LINGO2: variants seen among roughly 807,000 people sequenced by gnomAD.
LINGO2 encodes leucine rich repeat and Ig domain containing 2.
Under a neutral mutation model 30.6 loss-of-function variants are expected in LINGO2, and 14 were observed. The observed-to-expected ratio is 0.46, with a 90% CI of 0.30 to 0.72. The LOEUF is 0.72. Among genes scored for constraint, LINGO2 ranks in the 30% least tolerant of loss-of-function variants. The pLI, the probability that LINGO2 is intolerant of heterozygous loss-of-function variation, is 0.07. For synonymous variants in LINGO2, 317 were observed against 288.5 expected (o/e 1.10, Z -1.00); for missense variants, 729 against 751.7 (o/e 0.97, Z 0.35).
At chr9:28,479,322 G>C (rs989593715) in intron 1 of LINGO2, among the ~76,000 whole-genome samples, 1 of 151,880 alleles carries the variant, frequency 6.6e-6, no homozygotes, top group African/African-American at 2.4e-5. Context: ...ATCTCTGCTA[G>C]AAGATATTTT....
intron 3 of LINGO2, among the ~76,000 whole-genome samples, chr9:28,336,986 G>C (rs1825612251): frequency 1.3e-5 from 2 of 151,046 alleles, no homozygotes; most frequent in Non-Finnish European, 1.5e-5. Context: ...ACTAAAATTT[G>C]AATCAACTTA....
At chr9:29,142,014 T>G in the LINGO2 span, among the ~76,000 whole-genome samples, 1 of 151,786 alleles carries the variant, frequency 6.6e-6, no homozygotes, top group African/African-American at 2.4e-5. Flanking sequence ...AGAAAATCAG[T>G]GAGAAAACAG....
At chr9:28,525,269 C>A (rs1820976951) in intron 1 of LINGO2, among the ~76,000 whole-genome samples, 1 of 152,130 alleles carries the variant, frequency 6.6e-6, no homozygotes, top group Non-Finnish European at 1.5e-5. Flanking sequence ...TACCATGGTT[C>A]TGGACTTCTG....
chr9:29,163,126 A>C, the LINGO2 span, among the ~76,000 whole-genome samples: 12 of 152,184 alleles, frequency 7.9e-5, no homozygotes, highest in African/African-American at 2.7e-4. Context: ...TGAAGTCATG[A>C]ATATCAAAAC....
intron 4 of LINGO2, among the ~76,000 whole-genome samples, chr9:28,184,929 A>G (rs1819489256): frequency 6.6e-6 from 1 of 152,118 alleles, no homozygotes; most frequent in Admixed American, 6.6e-5. Context: ...GTTGAAAGAA[A>G]GGGGAAATTA....
intron 5 of LINGO2, among the ~76,000 whole-genome samples, chr9:27,986,014 C>G (rs1321870813): frequency 1.3e-5 from 2 of 151,840 alleles, no homozygotes; most frequent in Non-Finnish European, 2.9e-5. Context: ...ATGTTATTCT[C>G]AGAAATTCCT....
the LINGO2 span, among the ~76,000 whole-genome samples, chr9:29,000,806 G>C: frequency 6.6e-6 from 1 of 151,818 alleles, no homozygotes; most frequent in Non-Finnish European, 1.5e-5. Flanking sequence ...TGTGCCTGCT[G>C]TGCAAAGACT....
the LINGO2 span, among the ~76,000 whole-genome samples, chr9:28,788,932 G>A: frequency 0.012 from 1,822 of 152,198 alleles, 101 homozygotes; most frequent in Admixed American, 0.096. Context: ...TGCATTGCTC[G>A]AAAGAAATGC....
chr9:28,851,135 T>C, the LINGO2 span, among the ~76,000 whole-genome samples: 2 of 152,048 alleles, frequency 1.3e-5, no homozygotes, highest in Non-Finnish European at 2.9e-5. Context: ...TGAATTAGTT[T>C]CCTATTACTT....
At chr9:28,405,876 C>T (rs1029594932) in intron 2 of LINGO2, among the ~76,000 whole-genome samples, 10 of 152,130 alleles carry the variant, frequency 6.6e-5, no homozygotes, top group Admixed American at 3.9e-4. Context: ...TTTCACCAAC[C>T]GTGTGTAGAC....
chr9:28,954,936 G>A, the LINGO2 span, among the ~76,000 whole-genome samples: 3 of 152,082 alleles, frequency 2.0e-5, no homozygotes, highest in Non-Finnish European at 4.4e-5. Context: ...GCTCATAATT[G>A]CTTACCCCAT....
In LINGO2 at chr9:28,329,471, A is replaced by G. The variant is rs528937125; in HGVS notation, c.-245-34105T>C. On this transcript the variant is annotated intron_variant, in intron 3 of 5. Coordinates refer to ENST00000379992, the Ensembl canonical transcript of LINGO2. This position sits in a 1 kb window ranked among gnomAD's most constrained non-coding sequence, Gnocchi z 4.5. ...GCCAAGTCATTATTTCTTGTCATGT[A>G]TATACAAGTTTTGCTCCTGTTCAAT... 7.2e-5 allele frequency among the ~76,000 whole-genome samples: 11 copies of G among 152,232 alleles called. No homozygotes were observed. Among genetic ancestry groups the G allele is most frequent in the East Asian group, 3.9e-4 (2 of 5,176 alleles).
chr9:28,435,244 G>T (rs1460066511), intron 2 of LINGO2, among the ~76,000 whole-genome samples: 3 of 152,118 alleles, frequency 2.0e-5, no homozygotes, highest in Admixed American at 1.3e-4. Flanking sequence ...TTACTGTAAA[G>T]TAATTCAAGT....
chr9:28,504,463 A>G (rs1040966696), intron 1 of LINGO2, among the ~76,000 whole-genome samples: 1 of 151,820 alleles, frequency 6.6e-6, no homozygotes, highest in African/African-American at 2.4e-5. Context: ...TACACACATA[A>G]GGCTTCTAAA....
intron 4 of LINGO2, among the ~76,000 whole-genome samples, chr9:28,049,079 A>G (rs1368496387): frequency 6.6e-6 from 1 of 150,992 alleles, no homozygotes; most frequent in East Asian, 2.0e-4. Context: ...CTCTTCTGTA[A>G]CAGAGTAATG....
Position 27,972,642 on chromosome 9 carries a change from T to G in LINGO2, c.-35-21936A>C, listed in dbSNP as rs74514415. On this transcript the variant is annotated intron_variant, in intron 5 of 5. Coordinates refer to ENST00000379992, the Ensembl canonical transcript of LINGO2. Reference sequence around the variant, plus strand: ...CAATTTACAGACTAAAGGGCTTAACTTTTCTGTCCACGCAGGTAGAAATTT... The same window carrying G: ...CAATTTACAGACTAAAGGGCTTAACGTTTCTGTCCACGCAGGTAGAAATTT... 3.0e-3 allele frequency among the ~76,000 whole-genome samples: 452 copies of G among 152,296 alleles called. 3 individuals are homozygous for G. Among genetic ancestry groups the G allele is most frequent in the African/African-American group, 9.8e-3 (406 of 41,564 alleles).
At chr9:28,460,917 G>T (rs1825054958) in intron 2 of LINGO2, among the ~76,000 whole-genome samples, 3 of 152,040 alleles carry the variant, frequency 2.0e-5, no homozygotes, top group Admixed American at 6.6e-5. Flanking sequence ...AGAAACTGTT[G>T]TATCATTTCC....
chr9:27,972,809 T>C (rs1820418338), intron 5 of LINGO2, among the ~76,000 whole-genome samples: 2 of 152,292 alleles, frequency 1.3e-5, no homozygotes, highest in African/African-American at 4.8e-5. Flanking sequence ...GATAGTTACA[T>C]TCAAACTGAC....
intron 4 of LINGO2, among the ~76,000 whole-genome samples, chr9:28,245,186 C>A (rs529891892): frequency 2.3e-4 from 35 of 152,294 alleles, no homozygotes; most frequent in African/African-American, 8.4e-4. Flanking sequence ...ATCACACAAA[C>A]TGAACCAATG....
Sources: allele counts gnomAD v4.1 joint callset (sites outside exome capture counted in the v4.1 genomes callset), GRCh38; gene constraint gnomAD v4.1.1; non-coding constraint Gnocchi (gnomAD v3.1); transcripts MANE v1.5; gene names NCBI Gene and HGNC (gene_info 2026-07-23, HGNC 2026-07-21).